CNGB1: variants seen among roughly 807,000 people sequenced by gnomAD.
The protein encoded by CNGB1 is cyclic nucleotide gated channel subunit beta 1, also known as cyclic nucleotide-gated channel beta-1.
A neutral mutation model predicts 151.7 loss-of-function variants in CNGB1; 126 were observed. The ratio of observed to expected loss-of-function variants is 0.83; its 90% CI spans 0.72 to 0.96. The LOEUF (loss-of-function observed/expected upper bound fraction) is 0.96. Ranked by LOEUF, CNGB1 falls within the 40% of genes least tolerant of loss-of-function variation. CNGB1 has a pLI of 0.00. For synonymous variants in CNGB1, 623 were observed against 635.1 expected (o/e 0.98, Z 0.29); for missense variants, 1,698 against 1,627.0 (o/e 1.04, Z -0.75).
chr16:57,927,980 C>T (rs1341109125), intron 17 of CNGB1, among the ~76,000 whole-genome samples: 4 of 152,220 alleles, frequency 2.6e-5, no homozygotes, highest in African/African-American at 9.7e-5. Context: ...TACACCTAGC[C>T]ATCTCCACTC....
chr16:57,920,636 T>C, intron 18 of CNGB1, 92 bp from the exon 19 acceptor site: 1 of 1,517,208 alleles, frequency 6.6e-7, no homozygotes, highest in Non-Finnish European at 9.0e-7. Context: ...TGTCCCACCT[T>C]CTGACAGAGC....
chr16:57,955,194 G>A, intron 12 of CNGB1: 1 of 1,524,450 alleles, frequency 6.6e-7, no homozygotes, highest in Non-Finnish European at 8.8e-7. Context: ...GTCCTGCCTG[G>A]GAGTGTGTGG....
intron 29 of CNGB1, among the ~76,000 whole-genome samples, chr16:57,898,485 C>A (rs901402274): frequency 7.2e-5 from 11 of 152,100 alleles, no homozygotes; most frequent in Non-Finnish European, 1.2e-4. Context: ...TCAAGCAATT[C>A]TTGTGCTTCA....
chr16:57,889,285 G>A (rs1332484744), intron 31 of CNGB1, among the ~76,000 whole-genome samples: 6 of 152,176 alleles, frequency 3.9e-5, no homozygotes, highest in Admixed American at 2.0e-4. Context: ...TTACAGGCAC[G>A]AGCCACAGTG....
chr16:57,900,655 G>T (rs1960358841), intron 29 of CNGB1, among the ~76,000 whole-genome samples: 1 of 152,124 alleles, frequency 6.6e-6, no homozygotes, highest in South Asian at 2.1e-4. Context: ...GGGGCAGTGG[G>T]GAGTGGTGGG....
At position 57,915,354 on chromosome 16, in the gene CNGB1, A is replaced by G. The variant is rs1366926997; in HGVS notation, c.2218-19T>C. 2 of 1,569,800 alleles carry G rather than the reference A, an allele frequency of 1.3e-6. No homozygotes were observed. The highest frequency in any genetic ancestry group is 1.8e-6 in the Non-Finnish European group (2 of 1,139,720). On this transcript the variant is annotated intron_variant, in intron 22 of 32. Coordinates refer to ENST00000251102, the MANE Select transcript of CNGB1 (RefSeq NM_001297.5). ...GGTCCATCTGAAATCCCAGTGGGAC[A>G]CCATGGGGGTAAAACGGATGACTCC...
chr16:57,920,680 T>A lies in CNGB1; in HGVS notation c.1644-136A>T, dbSNP rs1961008279. On this transcript the variant is annotated intron_variant, in intron 18 of 32. Transcript: ENST00000251102. ...GGTAAGTCCTGCCCCCATCTCCTTC[T>A]GACATCAGAAACCACAGACCTACCG... The A allele has an allele frequency of 2.9e-6, 3 of 1,024,030 alleles. 1 individual carries two copies. In the South Asian group the frequency reaches 4.1e-5, roughly 14 times the overall value. 63.4% of individuals were successfully genotyped at this position (1,024,030 alleles called of 1,614,324 possible).
In CNGB1 at chr16:57,945,351, G is replaced by C. The variant is rs149933363; in HGVS notation, c.1121+4002C>G. Among the ~76,000 whole-genome samples the C allele has an allele frequency of 4.4e-3, 673 of 152,306 alleles. 5 individuals are homozygous for C. Among genetic ancestry groups the C allele is most frequent in the African/African-American group, 0.015 (628 of 41,554 alleles). The stretch of plus-strand genomic sequence containing the variant: ...GATACAGGTTCTGTCTCGGCTCTCT[G>C]CCTACAGCACAAGGCTCAGAAAATG... On this transcript the variant is annotated intron_variant, in intron 14 of 32. Transcript: ENST00000251102.
intron 10 of CNGB1, 117 bp downstream of exon 10, chr16:57,959,771 G>A: frequency 2.4e-6 from 3 of 1,259,840 alleles, no homozygotes; most frequent in Non-Finnish European, 3.1e-6. Context: ...CCTTGGGAAG[G>A]AGGCTGCACA....
In CNGB1 at chr16:57,939,787, C is replaced by T. The variant is rs144047512; in HGVS notation, c.1210-195G>A. On this transcript the variant is annotated intron_variant, in intron 15 of 32. Coordinates refer to ENST00000251102, the MANE Select transcript of CNGB1 (RefSeq NM_001297.5). ...CCTACAACCTGTAGAGGGCAGTGCA[C>T]CCAGGACCTACGGGTCCTAACAGCT... is the stretch of plus-strand genomic sequence containing the variant. Among the ~76,000 whole-genome samples, 18 of 152,322 alleles carry T rather than the reference C, an allele frequency of 1.2e-4. No homozygotes were observed. In the East Asian group the frequency reaches 3.3e-3, roughly 28 times the overall value.
chr16:57,897,842 A>G lies in CNGB1; in HGVS notation c.3049T>C (p.Ser1017Pro). ...VQVLGGPDGK[S>P]VLVTLKAGSV... Reference sequence around the variant, plus strand: ...CCAGCTTTCAGCGTCACCAGCACAGATTTCCCATCAGGGCCGCCCAAGACC... The same window carrying G: ...CCAGCTTTCAGCGTCACCAGCACAGGTTTCCCATCAGGGCCGCCCAAGACC... The change falls in exon 30 of 33, where the codon TCT becomes CCT. Residue 1017 changes from serine (S) to proline (P), a missense_variant. Coordinates refer to ENST00000251102, the MANE Select transcript of CNGB1 (RefSeq NM_001297.5). The G allele has an allele frequency of 6.2e-7, 1 of 1,614,120 alleles. No homozygotes were observed.
Position 57,904,878 on chromosome 16 carries a change from GGA to G in CNGB1, c.2493-5_2493-4del, listed in dbSNP as rs1567370344. 4 of 1,614,028 alleles carry G rather than the reference GGA, an allele frequency of 2.5e-6. No homozygotes were observed. The highest frequency in any genetic ancestry group is 1.1e-5 in the South Asian group (1 of 91,076). On this transcript the variant is annotated splice_region_variant and splice_polypyrimidine_tract_variant and intron_variant, in intron 25 of 32. Transcript: ENST00000251102. The stretch of plus-strand genomic sequence containing the variant: ...CAAAGTAGTAACAGCGAATATAACT[GGA>G]GAGAGAGGAGAAAGGGAACATGGGT...
intron 26 of CNGB1, 79 bp from the exon 27 acceptor site, chr16:57,904,060 T>G: frequency 7.2e-7 from 1 of 1,388,684 alleles, no homozygotes; most frequent in Non-Finnish European, 1.0e-6. Flanking sequence ...TTGGGATGTG[T>G]CACTTCACAC....
chr16:57,936,652 C>T (rs143432651), intron 16 of CNGB1, among the ~76,000 whole-genome samples: 257 of 152,126 alleles, frequency 1.7e-3, no homozygotes, highest in African/African-American at 6.0e-3. Context: ...AGTAGTCAGG[C>T]GTGATGGCGT....
chr16:57,886,063 G>T (rs1220268578), intron 32 of CNGB1, among the ~76,000 whole-genome samples: 1 of 152,186 alleles, frequency 6.6e-6, no homozygotes, highest in African/African-American at 2.4e-5. Context: ...AGGTAATCCT[G>T]CCTGATCTTT....
At chr16:57,957,479 G>T in intron 11 of CNGB1, 102 bp from the exon 12 acceptor site, 1 of 970,454 alleles carries the variant, frequency 1.0e-6, no homozygotes, top group Non-Finnish European at 1.7e-6. Flanking sequence ...CCACCTCTCC[G>T]GGCCTTAGTT....
rs1567369335 is a variant in CNGB1, at chr16:57,903,895, G to GT, written c.2720dup (p.Tyr907Ter). The GT allele has an allele frequency of 3.1e-6, 5 of 1,614,220 alleles. No individual in the cohort carries two copies. In the South Asian group the frequency reaches 5.5e-5, roughly 18 times the overall value. The change falls in exon 27 of 33, where the codon TAC becomes TAAC. Residue 907 changes from tyrosine (Y) to a stop codon, truncating the protein, a stop_gained and frameshift_variant. Coordinates refer to ENST00000251102, the MANE Select transcript of CNGB1 (RefSeq NM_001297.5). LOFTEE classifies it high-confidence loss of function. ...MDSTVKYMNF[Y>*]KIPKSVQNRV... ...GGTTCTGCACGGACTTGGGGATCTT[G>GT]TAGAAATTCATGTACTTCACCGTGC...
At chr16:57,905,435 C>T (rs1015220326) in intron 25 of CNGB1, among the ~76,000 whole-genome samples, 2 of 152,216 alleles carry the variant, frequency 1.3e-5, no homozygotes, top group Non-Finnish European at 2.9e-5. Context: ...GAGCTGGGCG[C>T]TGTCTGCTTC....
intron 16 of CNGB1, among the ~76,000 whole-genome samples, chr16:57,936,262 G>A (rs1405971389): frequency 6.6e-6 from 1 of 152,086 alleles, no homozygotes; most frequent in East Asian, 1.9e-4. Context: ...TTCCTGAAAT[G>A]GAATTTGCTG....
Sources: gnomAD v4.1 joint callset for allele counts (sites outside exome capture counted in the v4.1 genomes callset) on GRCh38, gnomAD v4.1.1 for gene constraint, MANE v1.5 for transcripts, NCBI Gene and HGNC (gene_info 2026-07-23, HGNC 2026-07-21) for gene names.